Variants in ENOSF1 observed in about 807,000 individuals in gnomAD.
The protein encoded by ENOSF1 is enolase superfamily member 1.
ENOSF1 carries 73 observed loss-of-function variants against 68.2 expected under a neutral mutation model. The observed-to-expected ratio is 1.07, with a 90% CI of 0.89 to 1.30. ENOSF1 has a LOEUF of 1.30. Ranked by LOEUF, ENOSF1 falls within the 50% of genes most tolerant of loss-of-function variation. ENOSF1 has a pLI of 0.00. For synonymous variants in ENOSF1, 223 were observed against 210.4 expected (o/e 1.06, Z -0.52); for missense variants, 589 against 554.5 (o/e 1.06, Z -0.62).
Position 687,133 on chromosome 18 carries a change from G to A in ENOSF1, c.654-1125C>T, listed in dbSNP as rs773059183. The A allele has an allele frequency of 2.9e-4, 44 of 152,192 alleles. 1 individual carries two copies. The highest frequency in any genetic ancestry group is 2.7e-3 in the Admixed American group (41 of 15,284). The allele number at this position is 152,192 out of a possible 1,614,324, so 9.4% of individuals were successfully genotyped here. A position where few individuals can be genotyped will look rare whatever the true frequency, so the allele number is the denominator to read the frequency against. ...TATGGCAACTTGGAGGAGGACCAAA[G>A]CTCATATTATTTCTACTGAGAGAAA... On this transcript the variant is annotated intron_variant, in intron 9 of 15. Coordinates refer to ENST00000647584, the MANE Select transcript of ENOSF1 (RefSeq NM_017512.7).
chr18:712,357 T>G, intron 1 of ENOSF1, 147 bp downstream of exon 1: 1 of 1,360,392 alleles, frequency 7.4e-7, no homozygotes, highest in Middle Eastern at 2.7e-4. Flanking sequence ...AAGCCGCGCG[T>G]ACCATGGCGT....
intron 11 of ENOSF1, among the ~76,000 whole-genome samples, chr18:680,016 G>T (rs1311573203): frequency 6.6e-6 from 1 of 152,230 alleles, no homozygotes; most frequent in Non-Finnish European, 1.5e-5. Context: ...TGTGTGCCGG[G>T]TTTGAACTGT....
At chr18:710,312 G>A (rs550133219) in intron 1 of ENOSF1, among the ~76,000 whole-genome samples, 1 of 152,244 alleles carries the variant, frequency 6.6e-6, no homozygotes, top group African/African-American at 2.4e-5. Context: ...GTCTCACTAT[G>A]TTGCTCAGGC....
intron 3 of ENOSF1, among the ~76,000 whole-genome samples, chr18:695,261 G>A (rs1021331702): frequency 3.5e-4 from 54 of 152,314 alleles, no homozygotes; most frequent in Non-Finnish European, 7.4e-4. Flanking sequence ...CTGATCTGGA[G>A]TTCCTTCATG....
intron 8 of ENOSF1, among the ~76,000 whole-genome samples, chr18:690,301 G>GT (rs1273160990): frequency 6.6e-6 from 1 of 150,816 alleles, no homozygotes; most frequent in Non-Finnish European, 1.5e-5. Flanking sequence ...GGGCAGTCCT[G>GT]TAAGACTGAG....
intron 5 of ENOSF1, chr18:692,748 T>C (rs1435525163): frequency 2.0e-6 from 2 of 995,838 alleles, no homozygotes; most frequent in Non-Finnish European, 2.4e-6. Flanking sequence ...GGCTACCTCC[T>C]CCATCCCCGT....
At chr18:712,409 C>A (rs1162192317) in intron 1 of ENOSF1, 95 bp downstream of exon 1, 1 of 1,127,918 alleles carries the variant, frequency 8.9e-7, no homozygotes, top group African/African-American at 1.6e-5. Flanking sequence ...GGCGTCCGCG[C>A]TTACCATGGC....
chr18:709,663 C>T (rs184057895), intron 1 of ENOSF1, among the ~76,000 whole-genome samples: 52 of 152,054 alleles, frequency 3.4e-4, no homozygotes, highest in Admixed American at 9.8e-4. Flanking sequence ...CACAGCTACT[C>T]CAGAGGCTGA....
At chr18:708,994 G>A (rs1598832075) in intron 1 of ENOSF1, among the ~76,000 whole-genome samples, 1 of 152,294 alleles carries the variant, frequency 6.6e-6, no homozygotes, top group East Asian at 1.9e-4. Context: ...TCAACAGGAC[G>A]AGATGAGCCA....
chr18:697,278 AGCCT>A lies in ENOSF1; in HGVS notation c.267_270del (p.Arg89SerfsTer30), dbSNP rs1350211435. 1.9e-6 allele frequency: 3 copies of A among 1,613,912 alleles called. No homozygotes were observed. The South Asian group carries it at 3.3e-5, about 18-fold the overall frequency. On this transcript the variant is annotated frameshift_variant, in exon 3 of 16. Transcript: ENST00000647584. LOFTEE classifies it high-confidence loss of function. Reference sequence around the variant, plus strand: ...CCATCACTTGTGAGCTGCCTATAGAAGCCTCTGAAGTCACCAACAATGTCCTTGA... The same window carrying A: ...CCATCACTTGTGAGCTGCCTATAGAACTGAAGTCACCAACAATGTCCTTGA...
chr18:699,677 T>C (rs1459985720), intron 2 of ENOSF1, among the ~76,000 whole-genome samples: 1 of 152,184 alleles, frequency 6.6e-6, no homozygotes, highest in African/African-American at 2.4e-5. Context: ...TTTGATTAAT[T>C]TGTTTGGTGC....
rs2075138856 is a variant in ENOSF1 at position 673,042 on chromosome 18, T to C, written c.*1263A>G. 4.1e-6 allele frequency: 6 copies of C among 1,457,200 alleles called. No homozygotes were observed. The highest frequency in any genetic ancestry group is 5.5e-6 in the Non-Finnish European group (6 of 1,087,310). The allele number at this position is 1,457,200 out of a possible 1,614,324, so 90.3% of individuals were successfully genotyped here. A position where few individuals can be genotyped will look rare whatever the true frequency, so the allele number is the denominator to read the frequency against. ...GAAGGATATTGTCAGTCTTTAGGGG[T>C]TGGGCTGGATGCCGAGGTAAAAGTT... On this transcript the variant is annotated 3_prime_UTR_variant, in exon 16 of 16. Coordinates refer to ENST00000647584, the MANE Select transcript of ENOSF1 (RefSeq NM_017512.7).
chr18:684,253 C>T lies in ENOSF1; in HGVS notation c.742-873G>A, dbSNP rs1201704404. Among the ~76,000 whole-genome samples the T allele has an allele frequency of 3.3e-5, 5 of 152,176 alleles. No homozygotes were observed. In the South Asian group the frequency reaches 6.2e-4, roughly 19 times the overall value. The stretch of plus-strand genomic sequence containing the variant: ...CTTGTGATCCGCCCGCCTCGGCCTC[C>T]CAAAGTGCTGGGATTACAGCCATGA... On this transcript the variant is annotated intron_variant, in intron 10 of 15. Coordinates refer to ENST00000647584, the MANE Select transcript of ENOSF1 (RefSeq NM_017512.7).
intron 1 of ENOSF1, chr18:712,280 T>G: frequency 1.3e-6 from 2 of 1,530,690 alleles, no homozygotes; most frequent in Admixed American, 2.0e-5. Context: ...AGCAATGGGT[T>G]CGAAGTCGGG....
At chr18:696,458 G>A (rs2077745655) in intron 3 of ENOSF1, among the ~76,000 whole-genome samples, 1 of 151,952 alleles carries the variant, frequency 6.6e-6, no homozygotes, top group Non-Finnish European at 1.5e-5. Flanking sequence ...TGATCTGCCT[G>A]CCTTGGCCTC....
At chr18:693,138 G>T (rs1473919938) in intron 5 of ENOSF1, 6 of 1,288,874 alleles carry the variant, frequency 4.7e-6, no homozygotes, top group Non-Finnish European at 6.1e-6. Flanking sequence ...CCTTTAATTT[G>T]CCCAGTTTTT....
chr18:685,719 A>C (rs2076556362), intron 10 of ENOSF1, among the ~76,000 whole-genome samples: 1 of 152,150 alleles, frequency 6.6e-6, no homozygotes, highest in Admixed American at 6.5e-5. Flanking sequence ...AACTTACTTA[A>C]CTAGTTCTGC....
intron 3 of ENOSF1, among the ~76,000 whole-genome samples, chr18:696,379 T>C (rs1486513853): frequency 3.3e-5 from 5 of 151,568 alleles, no homozygotes; most frequent in Middle Eastern, 3.2e-3. Context: ...GCCCGGCTAA[T>C]TTTTTGTATT....
At chr18:711,136 C>T (rs1326806097) in intron 1 of ENOSF1, among the ~76,000 whole-genome samples, 3 of 151,916 alleles carry the variant, frequency 2.0e-5, no homozygotes, top group African/African-American at 7.3e-5. Flanking sequence ...TACCACTGCA[C>T]TCCAGCTTGG....
Sources: gnomAD v4.1 joint callset for allele counts (sites outside exome capture counted in the v4.1 genomes callset) on GRCh38, gnomAD v4.1.1 for gene constraint, MANE v1.5 for transcripts, NCBI Gene and HGNC (gene_info 2026-07-23, HGNC 2026-07-21) for gene names.